TYW1B: variants seen among roughly 807,000 people sequenced by gnomAD.
TYW1B encodes S-adenosyl-L-methionine-dependent tRNA 4-demethylwyosine synthase TYW1B.
TYW1B carries 73 observed loss-of-function variants against 86.9 expected under a neutral mutation model. The observed-to-expected ratio is 0.84, with a 90% CI of 0.70 to 1.02. The LOEUF (loss-of-function observed/expected upper bound fraction) is 1.02, where lower values mean the gene tolerates loss of function less well. Ranked by LOEUF, TYW1B falls within the 50% of genes least tolerant of loss-of-function variation. The pLI, the probability that TYW1B is intolerant of heterozygous loss-of-function variation, is 0.00. For missense variants in TYW1B, 637 were observed against 827.4 expected (o/e 0.77, Z 2.82); for synonymous variants, 248 against 292.8 (o/e 0.85, Z 1.56).
rs568585149 is a variant in TYW1B at position 72,819,952 on chromosome 7, T to C, written c.136-4471A>G. ...CAGAAACCCTACAATCCAGAAGAGA[T>C]TGGGGCCTATATTGAGCATTCTTAA... On this transcript the variant is annotated intron_variant, in intron 2 of 13. Transcript: ENST00000620995. 5.3e-5 allele frequency among the ~76,000 whole-genome samples: 8 copies of C among 152,076 alleles called. No individual in the cohort carries two copies. In the East Asian group the frequency reaches 1.4e-3, roughly 26 times the overall value.
At chr7:72,760,429 C>T (rs1267048142) in intron 7 of TYW1B, among the ~76,000 whole-genome samples, 3 of 152,070 alleles carry the variant, frequency 2.0e-5, no homozygotes, top group Admixed American at 2.0e-4. Flanking sequence ...TGGATCCAAC[C>T]GTCTTATAAA....
At chr7:72,637,202 G>C (rs1343932385) in intron 11 of TYW1B, among the ~76,000 whole-genome samples, 4 of 152,056 alleles carry the variant, frequency 2.6e-5, no homozygotes, top group Admixed American at 1.3e-4. Context: ...TGTAGGGTTG[G>C]TGTTAGTTCT....
chr7:72,743,312 A>G (rs1554462814), intron 8 of TYW1B, among the ~76,000 whole-genome samples: 1 of 152,188 alleles, frequency 6.6e-6, no homozygotes, highest in African/African-American at 2.4e-5. Context: ...GAAACTGACA[A>G]AGGTGGGTGG....
chr7:72,699,226 G>C (rs1283031140), intron 10 of TYW1B, among the ~76,000 whole-genome samples: 2 of 152,190 alleles, frequency 1.3e-5, no homozygotes, highest in Non-Finnish European at 2.9e-5. Flanking sequence ...TTCCAGGGAT[G>C]TCCAAAGAAG....
At chr7:72,667,031 C>CAAAAAAAAAAAAAAA (rs60691255) in intron 11 of TYW1B, among the ~76,000 whole-genome samples, 4 of 42,368 alleles carry the variant, frequency 9.4e-5, no homozygotes, top group Non-Finnish European at 1.1e-4. Context: ...GACTCCGTCT[C>CAAAAAAAAAAAAAAA]AAAAAAAAAA....
chr7:72,710,482 A>G (rs1554454498), intron 10 of TYW1B, among the ~76,000 whole-genome samples: 2 of 152,208 alleles, frequency 1.3e-5, no homozygotes, highest in African/African-American at 2.4e-5. Flanking sequence ...TGATTTTCAT[A>G]TTATTGCCTG....
chr7:72,825,007 G>A (rs1402500720), intron 2 of TYW1B, among the ~76,000 whole-genome samples: 2 of 151,564 alleles, frequency 1.3e-5, no homozygotes, highest in African/African-American at 4.9e-5. Flanking sequence ...GGAGGCTGAG[G>A]TGGGAGGATG....
chr7:72,729,355 C>T (rs1554459398), intron 8 of TYW1B, among the ~76,000 whole-genome samples: 1 of 152,064 alleles, frequency 6.6e-6, no homozygotes. Flanking sequence ...TGAGTTTCTC[C>T]TGATGCAGGC....
chr7:72,603,306 T>C (rs1248221803), intron 13 of TYW1B, among the ~76,000 whole-genome samples: 2 of 143,090 alleles, frequency 1.4e-5, no homozygotes, highest in African/African-American at 5.3e-5. Context: ...AGATGATTGA[T>C]GGATGGACAG....
chr7:72,577,322 G>A (rs552957623), intron 13 of TYW1B, among the ~76,000 whole-genome samples: 4 of 151,996 alleles, frequency 2.6e-5, no homozygotes, highest in South Asian at 2.1e-4. Context: ...CTGAATATGC[G>A]GAAAAGTTTA....
chr7:72,756,192 TTTA>T (rs1273943690), intron 7 of TYW1B, among the ~76,000 whole-genome samples: 5 of 149,856 alleles, frequency 3.3e-5, no homozygotes, highest in African/African-American at 1.2e-4. Context: ...GAACTGCCAG[TTTA>T]TTATTTTTTT....
At chr7:72,639,738 C>T (rs1812758570) in intron 11 of TYW1B, among the ~76,000 whole-genome samples, 1 of 151,918 alleles carries the variant, frequency 6.6e-6, no homozygotes, top group Non-Finnish European at 1.5e-5. Flanking sequence ...TGGTGGCACG[C>T]ACCTGTAATC....
intron 10 of TYW1B, among the ~76,000 whole-genome samples, chr7:72,705,882 G>A (rs567461274): frequency 4.6e-5 from 7 of 152,244 alleles, no homozygotes; most frequent in South Asian, 2.1e-4. Context: ...ACAAGGTGTC[G>A]TCAGCATTAC....
intron 1 of TYW1B, among the ~76,000 whole-genome samples, chr7:72,827,471 TATC>T (rs1294357861): frequency 6.6e-6 from 1 of 152,090 alleles, no homozygotes; most frequent in Non-Finnish European, 1.5e-5. Flanking sequence ...GTAATAAAAT[TATC>T]ATACTGTTAA....
rs1344092120 is a variant in TYW1B at position 72,684,457 on chromosome 7, G to A, written c.1506+10230C>T. Among the ~76,000 whole-genome samples the A allele has an allele frequency of 4.5e-4, 68 of 152,112 alleles. 1 individual carries two copies. The highest frequency in any genetic ancestry group is 4.5e-3 in the Admixed American group (68 of 15,248). On this transcript the variant is annotated intron_variant, in intron 11 of 13. Transcript: ENST00000620995. ...TACTGAAAGAAAAAATCACCACCTA[G>A]AATCTGCACCCTATGAAAATGTCCT...
chr7:72,757,329 C>T (rs937672865), intron 7 of TYW1B, among the ~76,000 whole-genome samples: 4 of 147,168 alleles, frequency 2.7e-5, no homozygotes, highest in African/African-American at 1.0e-4. Flanking sequence ...GATCGCACCA[C>T]TGCACTACAG....
intron 2 of TYW1B, among the ~76,000 whole-genome samples, chr7:72,816,093 T>C (rs1460037384): frequency 1.3e-5 from 2 of 151,958 alleles, no homozygotes; most frequent in Admixed American, 6.6e-5. Flanking sequence ...TAGTGAAGAA[T>C]GGGCTGGGCA....
At chr7:72,732,269 T>C (rs13310557) in intron 8 of TYW1B, among the ~76,000 whole-genome samples, 4 of 152,292 alleles carry the variant, frequency 2.6e-5, no homozygotes, top group South Asian at 2.1e-4. Context: ...ATTTAAACCA[T>C]AGGACAAACT....
At chr7:72,796,697 A>G (rs1228923952) in intron 6 of TYW1B, among the ~76,000 whole-genome samples, 1 of 150,020 alleles carries the variant, frequency 6.7e-6, no homozygotes, top group African/African-American at 2.4e-5. Flanking sequence ...CTTGTTCAGT[A>G]AGATGTCCCA....
Sources: allele counts gnomAD v4.1 joint callset (sites outside exome capture counted in the v4.1 genomes callset), GRCh38; gene constraint gnomAD v4.1.1; transcripts MANE v1.5; gene names NCBI Gene and HGNC (gene_info 2026-07-23, HGNC 2026-07-21).